The following PTPN11 variants were observed in gnomAD, a reference collection of about 807,000 sequenced individuals.
The protein encoded by PTPN11 is tyrosine-protein phosphatase non-receptor type 11.
In PTPN11, 6 loss-of-function variants were observed where a neutral mutation model predicts 78.8. That is an observed-to-expected ratio of 0.08 (90% CI 0.04 to 0.15). The LOEUF is 0.15. PTPN11 is among the 10% of genes least tolerant of loss of function. The pLI is 1.00. For missense variants in PTPN11, 386 were observed against 744.8 expected (o/e 0.52, Z 5.61); for synonymous variants, 221 against 263.5 (o/e 0.84, Z 1.56).
At chr12:112,475,220 C>G (rs981947701) in intron 7 of PTPN11, among the ~76,000 whole-genome samples, 1 of 152,030 alleles carries the variant, frequency 6.6e-6, no homozygotes, top group Non-Finnish European at 1.5e-5. Context: ...ACTAGAGCCC[C>G]CAAAGTCACT....
chr12:112,427,186 C>CA (rs890675025), intron 1 of PTPN11, among the ~76,000 whole-genome samples: 26 of 151,608 alleles, frequency 1.7e-4, no homozygotes, highest in South Asian at 8.3e-4. Flanking sequence ...GTGGAGGTTG[C>CA]AGTGAGCCGA....
At chr12:112,473,600 A>G (rs1337903975) in intron 7 of PTPN11, among the ~76,000 whole-genome samples, 1 of 152,184 alleles carries the variant, frequency 6.6e-6, no homozygotes, top group African/African-American at 2.4e-5. Flanking sequence ...TAATCCCAGC[A>G]CTTTCGGAGG....
At chr12:112,477,494 C>T (rs540303814) in intron 7 of PTPN11, among the ~76,000 whole-genome samples, 157 bp from the exon 8 acceptor site, 162 of 152,176 alleles carry the variant, frequency 1.1e-3, no homozygotes, top group Non-Finnish European at 1.5e-3. Context: ...GCAGTGTTCA[C>T]GTTACTGTTT....
At chr12:112,441,833 C>T (rs1018426761) in intron 1 of PTPN11, among the ~76,000 whole-genome samples, 38 of 151,148 alleles carry the variant, frequency 2.5e-4, no homozygotes, top group South Asian at 6.2e-4. Flanking sequence ...GGCTGGAGTG[C>T]AGTGGTGATC....
chr12:112,477,728 A>G lies in PTPN11; in HGVS notation c.931A>G (p.Met311Val), dbSNP rs774939392. The change falls in exon 8 of 16, where the codon ATG becomes GTG. Residue 311 changes from methionine (M) to valine (V), a missense_variant and splice_region_variant. This residue lies in a region of PTPN11 where 279 missense variants were observed against 503.3 expected (regional missense o/e 0.55). Transcript: ENST00000351677. ...VSDYINANII[M>V]PEFETKCNNS... ...AGATTACATCAATGCAAATATCATC[A>G]TGGTAAGCTTTGCTTTTCACAGTGT... The G allele has an allele frequency of 9.3e-6, 15 of 1,611,690 alleles. No individual in the cohort carries two copies. The highest frequency in any genetic ancestry group is 5.0e-5 in the Admixed American group (3 of 59,990).
chr12:112,439,782 T>C (rs1282729456), intron 1 of PTPN11, among the ~76,000 whole-genome samples: 1 of 150,190 alleles, frequency 6.7e-6, no homozygotes, highest in Non-Finnish European at 1.5e-5. Flanking sequence ...ATTGTCCTTT[T>C]TTAAAAAAAA....
intron 6 of PTPN11, among the ~76,000 whole-genome samples, chr12:112,465,017 C>T (rs1326698658): frequency 6.6e-6 from 1 of 152,186 alleles, no homozygotes; most frequent in Non-Finnish European, 1.5e-5. Context: ...ATGAGAATGA[C>T]ACTAACTAAA....
chr12:112,419,137 C>G lies in PTPN11; in HGVS notation c.14+12C>G, dbSNP rs776366705. 13 of 1,511,774 alleles carry G rather than the reference C, an allele frequency of 8.6e-6. No individual in the cohort carries two copies. Among genetic ancestry groups the G allele is most frequent in the African/African-American group, 1.4e-5 (1 of 69,260 alleles). 93.6% of individuals were successfully genotyped at this position (1,511,774 alleles called of 1,614,324 possible). A position where few individuals can be genotyped will look rare whatever the true frequency, so the allele number is the denominator to read the frequency against. ...ATGACATCGCGGAGGTGAGGAGCCC[C>G]GAGGGGCCCGGCGCGGGCCTCGGCC... On this transcript the variant is annotated intron_variant, in intron 1 of 15. Transcript: ENST00000351677.
At chr12:112,492,655 C>T (rs1248950542) in intron 13 of PTPN11, among the ~76,000 whole-genome samples, 3 of 151,746 alleles carry the variant, frequency 2.0e-5, no homozygotes, top group Non-Finnish European at 4.4e-5. Context: ...GTAGTTGGGA[C>T]TACAGGCGCC....
At chr12:112,480,296 T>G in intron 9 of PTPN11, among the ~76,000 whole-genome samples, 1 of 151,850 alleles carries the variant, frequency 6.6e-6, no homozygotes, top group Non-Finnish European at 1.5e-5. Flanking sequence ...CTGTCAGAGG[T>G]GTTTGGATCT....
chr12:112,488,810 G>A (rs2038710920), intron 12 of PTPN11, among the ~76,000 whole-genome samples: 2 of 152,298 alleles, frequency 1.3e-5, no homozygotes, highest in East Asian at 1.9e-4. Flanking sequence ...TGGCAAGTGA[G>A]GGAATCCTGA....
At chr12:112,445,859 G>C (rs1300630743) in intron 1 of PTPN11, among the ~76,000 whole-genome samples, 2 of 151,252 alleles carry the variant, frequency 1.3e-5, no homozygotes, top group African/African-American at 4.9e-5. Flanking sequence ...AGGCTGCTCT[G>C]GAACTCCCGA....
At chr12:112,432,796 A>G (rs2037732782) in intron 1 of PTPN11, among the ~76,000 whole-genome samples, 1 of 152,040 alleles carries the variant, frequency 6.6e-6, no homozygotes, top group South Asian at 2.1e-4. Flanking sequence ...TGGGGACAAC[A>G]TAGCAAGACC....
intron 13 of PTPN11, among the ~76,000 whole-genome samples, chr12:112,497,822 C>T (rs2038830766): frequency 6.6e-6 from 1 of 152,122 alleles, no homozygotes; most frequent in South Asian, 2.1e-4. Flanking sequence ...ACATGGAAGT[C>T]ATTGAGGAGT....
chr12:112,474,619 A>G (rs1226311785), intron 7 of PTPN11, among the ~76,000 whole-genome samples: 2 of 149,890 alleles, frequency 1.3e-5, no homozygotes, highest in African/African-American at 4.9e-5. Context: ...CTACTTATTT[A>G]TTTATTTATT....
intron 1 of PTPN11, among the ~76,000 whole-genome samples, chr12:112,435,591 A>G (rs1228901590): frequency 6.6e-6 from 1 of 151,850 alleles, no homozygotes; most frequent in Non-Finnish European, 1.5e-5. Context: ...TTCACTTTCC[A>G]TCTAAGAGAG....
intron 1 of PTPN11, among the ~76,000 whole-genome samples, chr12:112,442,898 A>C (rs2037930639): frequency 1.1e-5 from 1 of 94,132 alleles, no homozygotes; most frequent in Non-Finnish European, 1.9e-5. Flanking sequence ...TACACTACAC[A>C]TATATGTATG....
At chr12:112,441,245 T>C (rs1048723337) in intron 1 of PTPN11, among the ~76,000 whole-genome samples, 1 of 151,722 alleles carries the variant, frequency 6.6e-6, no homozygotes, top group Admixed American at 6.6e-5. Context: ...ATTACAAGCA[T>C]GAGCCACCTT....
intron 6 of PTPN11, among the ~76,000 whole-genome samples, chr12:112,464,395 TC>T (rs1371893652): frequency 6.6e-6 from 1 of 152,182 alleles, no homozygotes; most frequent in African/African-American, 2.4e-5. Context: ...GATTTTTTTT[TC>T]CCTACAGATT....
Sources: gnomAD v4.1 joint callset for allele counts (sites outside exome capture counted in the v4.1 genomes callset) on GRCh38, gnomAD v4.1.1 for gene constraint, gnomAD v4.1.1 regional missense constraint, MANE v1.5 for transcripts, NCBI Gene and HGNC (gene_info 2026-07-23, HGNC 2026-07-21) for gene names.